The following ENTHD1 variants were observed in gnomAD, a reference collection of about 807,000 sequenced individuals.
The protein encoded by ENTHD1 is ENTH domain containing 1.
A neutral mutation model predicts 39.1 loss-of-function variants in ENTHD1; 23 were observed. That is an observed-to-expected ratio of 0.59 (90% CI 0.42 to 0.83). The LOEUF (loss-of-function observed/expected upper bound fraction) is 0.83. Ranked by LOEUF, ENTHD1 falls within the 40% of genes least tolerant of loss-of-function variation. ENTHD1 has a pLI of 0.00. For missense variants in ENTHD1, 624 were observed against 705.4 expected, an observed-to-expected ratio of 0.88 and a Z score of 1.31; for synonymous variants, 230 against 258.2, an observed-to-expected ratio of 0.89 and a Z score of 1.05.
chr22:39,816,023 C>G (rs1320780480), intron 5 of ENTHD1, among the ~76,000 whole-genome samples: 1 of 152,126 alleles, frequency 6.6e-6, no homozygotes, highest in Non-Finnish European at 1.5e-5. Context: ...GTCAGTGAGA[C>G]AAGTCCCTAG....
intron 3 of ENTHD1, among the ~76,000 whole-genome samples, chr22:39,845,536 C>T (rs2065980146): frequency 6.6e-6 from 1 of 152,096 alleles, no homozygotes; most frequent in African/African-American, 2.4e-5. Context: ...AGGGAGATGG[C>T]ATGCATAAAA....
At position 39,765,260 on chromosome 22, in the gene ENTHD1, A is replaced by T. The variant is rs576607007; in HGVS notation, c.1182T>A (p.Ile394=). 3 of 1,611,922 alleles carry T rather than the reference A, an allele frequency of 1.9e-6. No individual in the cohort carries two copies. The highest frequency in any genetic ancestry group is 2.5e-6 in the Non-Finnish European group (3 of 1,179,590). The stretch of plus-strand genomic sequence containing the variant: ...TCTTGAGGATTTTATCATCCATCTG[A>T]ATGCTGGATTGTGCTGGTTTCTGGT... ...KAYQKPAQSS[I]QMDDKILKTT... is the part of the protein sequence containing the mutation. Residue 394 remains isoleucine (I), a synonymous_variant, in exon 6 of 7, where the codon ATT becomes ATA. Transcript: ENST00000325157.
Position 39,814,540 on chromosome 22 carries a change from CTATT to C in ENTHD1, c.832+6449_832+6452del, listed in dbSNP as rs377033781. Among the ~76,000 whole-genome samples, 1,147 of 152,296 alleles carry C rather than the reference CTATT, an allele frequency of 7.5e-3. 6 individuals are homozygous for C. The highest frequency in any genetic ancestry group is 0.026 in the African/African-American group (1,085 of 41,572). ...TATTACAAAGGTGGCGTGATTAAAA[CTATT>C]TATCAATGCAGGGTTGGTCATATCA... On this transcript the variant is annotated intron_variant, in intron 5 of 6. Transcript: ENST00000325157.
intron 2 of ENTHD1, 58 bp downstream of exon 2, chr22:39,887,342 C>A: frequency 6.9e-7 from 1 of 1,450,688 alleles, no homozygotes; most frequent in African/African-American, 1.4e-5. Flanking sequence ...CTCCCATGCA[C>A]CAGGATTACC....
intron 5 of ENTHD1, among the ~76,000 whole-genome samples, chr22:39,781,012 C>CAAAAAAAAAAAAAAAAAAAA (rs1555925222): frequency 7.2e-6 from 1 of 138,270 alleles, no homozygotes. Context: ...AAAAAAAAAG[C>CAAAAAAAAAAAAAAAAAAAA]AAACAGTAGA....
chr22:39,801,041 C>T (rs548518062), intron 5 of ENTHD1, among the ~76,000 whole-genome samples: 15 of 152,164 alleles, frequency 9.9e-5, no homozygotes, highest in Admixed American at 9.2e-4. Flanking sequence ...TGATAAGGGT[C>T]CAAAGTAGGG....
At chr22:39,804,435 T>C (rs1246658012) in intron 5 of ENTHD1, among the ~76,000 whole-genome samples, 1 of 136,312 alleles carries the variant, frequency 7.3e-6, no homozygotes, top group Admixed American at 8.1e-5. Context: ...TCAGCCTGGG[T>C]GACAAAGACT....
chr22:39,828,573 A>C (rs1271985695), intron 4 of ENTHD1, among the ~76,000 whole-genome samples: 1 of 152,240 alleles, frequency 6.6e-6, no homozygotes, highest in Non-Finnish European at 1.5e-5. Context: ...GTGTATCACT[A>C]TCAATTTAGT....
chr22:39,771,312 C>T (rs148899926), intron 5 of ENTHD1, among the ~76,000 whole-genome samples: 2 of 152,190 alleles, frequency 1.3e-5, no homozygotes, highest in African/African-American at 2.4e-5. Context: ...AGGCGGAGAA[C>T]GCTGGGGAAG....
At chr22:39,862,122 A>G (rs1308145403) in intron 2 of ENTHD1, 115 bp from the exon 3 acceptor site, 6 of 720,472 alleles carry the variant, frequency 8.3e-6, no homozygotes, top group Admixed American at 3.6e-5. Context: ...AAAAACCTGC[A>G]GCAAATAAAG....
At chr22:39,838,947 A>T (rs2065925075) in intron 3 of ENTHD1, among the ~76,000 whole-genome samples, 1 of 152,072 alleles carries the variant, frequency 6.6e-6, no homozygotes, top group Non-Finnish European at 1.5e-5. Flanking sequence ...ATTTTTTTTT[A>T]AATGAATGAC....
intron 4 of ENTHD1, among the ~76,000 whole-genome samples, chr22:39,825,380 T>C (rs2065818547): frequency 6.6e-6 from 1 of 152,228 alleles, no homozygotes; most frequent in Admixed American, 6.5e-5. Context: ...TCTAGTTTCA[T>C]GAGAGATATT....
At position 39,812,458 on chromosome 22, in the gene ENTHD1, G is replaced by A. The variant is rs552160221; in HGVS notation, c.832+8535C>T. Among the ~76,000 whole-genome samples the A allele has an allele frequency of 2.4e-4, 36 of 152,336 alleles. No homozygotes were observed. The South Asian group carries it at 7.3e-3, about 31-fold the overall frequency. The stretch of plus-strand genomic sequence containing the variant: ...ACTTTTCAGGATGTGCACACAATGT[G>A]AAGATATTTATTTCACTATAAATGC... On this transcript the variant is annotated intron_variant, in intron 5 of 6. Transcript: ENST00000325157.
At chr22:39,879,431 C>A (rs1302738266) in intron 2 of ENTHD1, among the ~76,000 whole-genome samples, 2 of 137,362 alleles carry the variant, frequency 1.5e-5, no homozygotes, top group African/African-American at 5.6e-5. Flanking sequence ...CCACTGCACT[C>A]CAGCCTGGGT....
At chr22:39,870,255 T>TGAG (rs2066231071) in intron 2 of ENTHD1, among the ~76,000 whole-genome samples, 1 of 151,962 alleles carries the variant, frequency 6.6e-6, no homozygotes, top group African/African-American at 2.4e-5. Flanking sequence ...GTGATCCACC[T>TGAG]GCCTTGACCT....
chr22:39,877,025 A>T (rs541954436), intron 2 of ENTHD1, among the ~76,000 whole-genome samples: 1 of 152,206 alleles, frequency 6.6e-6, no homozygotes, highest in African/African-American at 2.4e-5. Flanking sequence ...TTGTAGGCAT[A>T]AAAGAGAGAA....
chr22:39,868,009 C>G (rs759422657), intron 2 of ENTHD1, among the ~76,000 whole-genome samples: 3 of 151,978 alleles, frequency 2.0e-5, no homozygotes, highest in Non-Finnish European at 4.4e-5. Flanking sequence ...CAGAGTTCAG[C>G]TCCTCAGGTG....
chr22:39,882,226 T>C (rs1454226587), intron 2 of ENTHD1, among the ~76,000 whole-genome samples: 2 of 152,150 alleles, frequency 1.3e-5, no homozygotes, highest in African/African-American at 2.4e-5. Flanking sequence ...ATGAGACATA[T>C]AAAATCAATA....
At chr22:39,817,070 T>C (rs1277597397) in intron 5 of ENTHD1, among the ~76,000 whole-genome samples, 4 of 152,192 alleles carry the variant, frequency 2.6e-5, no homozygotes, top group Admixed American at 2.0e-4. Context: ...ATACCTACTA[T>C]GTAATGCAAC....
Sources: gnomAD v4.1 joint callset for allele counts (sites outside exome capture counted in the v4.1 genomes callset) on GRCh38, gnomAD v4.1.1 for gene constraint, MANE v1.5 for transcripts, NCBI Gene and HGNC (gene_info 2026-07-23, HGNC 2026-07-21) for gene names.